ANKS1B: variants seen among roughly 807,000 people sequenced by gnomAD.
ANKS1B encodes the protein ankyrin repeat and sterile alpha motif domain-containing protein 1B.
Under a neutral mutation model 148.3 loss-of-function variants are expected in ANKS1B, and 36 were observed. The ratio of observed to expected loss-of-function variants is 0.24; its 90% confidence interval spans 0.19 to 0.32. The LOEUF is 0.32. Ranked by LOEUF, ANKS1B falls within the 10% of genes least tolerant of loss-of-function variation. The probability of loss-of-function intolerance (pLI) is 1.00; values close to 1 mark genes in which losing one functional copy is unlikely to be tolerated. For missense variants in ANKS1B, 1,157 were observed against 1,542.6 expected (o/e 0.75, Z 4.19); for synonymous variants, 542 against 560.8 (o/e 0.97, Z 0.47).
At chr12:98,968,323 C>T (rs1292187804) in intron 17 of ANKS1B, among the ~76,000 whole-genome samples, 11 of 152,006 alleles carry the variant, frequency 7.2e-5, no homozygotes, top group African/African-American at 2.4e-4. Flanking sequence ...ATTAACAGGA[C>T]CCCCCACCAC....
chr12:99,836,410 CAT>C (rs145615558), intron 1 of ANKS1B, among the ~76,000 whole-genome samples: 97 of 152,146 alleles, frequency 6.4e-4, no homozygotes, highest in African/African-American at 2.3e-3. Context: ...TCAGGAGCAT[CAT>C]AGTCAAAATC....
intron 14 of ANKS1B, among the ~76,000 whole-genome samples, chr12:99,235,807 G>C (rs1446641294): frequency 6.6e-6 from 1 of 152,176 alleles, no homozygotes; most frequent in Non-Finnish European, 1.5e-5. Flanking sequence ...ATGGGGCCCA[G>C]CCGAGTTAGA....
intron 15 of ANKS1B, among the ~76,000 whole-genome samples, chr12:99,122,893 C>T (rs918074763): frequency 4.6e-5 from 7 of 151,442 alleles, no homozygotes; most frequent in Non-Finnish European, 5.9e-5. Context: ...TTTGCCAAGG[C>T]GACTTGTTCA....
At chr12:99,620,250 G>C (rs2098030122) in intron 9 of ANKS1B, among the ~76,000 whole-genome samples, 1 of 152,102 alleles carries the variant, frequency 6.6e-6, no homozygotes, top group African/African-American at 2.4e-5. Context: ...GAAAATCCTA[G>C]ATGCATGAGA....
chr12:99,519,976 G>A (rs1211087625), intron 9 of ANKS1B, among the ~76,000 whole-genome samples: 1 of 152,058 alleles, frequency 6.6e-6, no homozygotes, highest in Non-Finnish European at 1.5e-5. Flanking sequence ...TTGTCTGCCT[G>A]CTTTTTAACT....
chr12:99,259,817 A>C (rs543293909), intron 12 of ANKS1B, among the ~76,000 whole-genome samples: 2 of 152,108 alleles, frequency 1.3e-5, no homozygotes, highest in Non-Finnish European at 2.9e-5. Flanking sequence ...TTTGTTTCCC[A>C]TGTATAAGCC....
intron 17 of ANKS1B, among the ~76,000 whole-genome samples, chr12:99,015,743 G>A (rs149319026): frequency 0.033 from 4,978 of 152,244 alleles, 121 homozygotes; most frequent in Non-Finnish European, 0.049. Context: ...GCAGGCACCT[G>A]TAGTTCCAGC....
At chr12:99,042,304 GTTTC>G (rs900739966) in intron 17 of ANKS1B, among the ~76,000 whole-genome samples, 1 of 152,150 alleles carries the variant, frequency 6.6e-6, no homozygotes, top group Non-Finnish European at 1.5e-5. Flanking sequence ...TTGTTTGTTT[GTTTC>G]TTTCTTTGTT....
rs538472101 is a variant in ANKS1B, at chr12:98,868,198, C to T, written c.2779-36062G>A. Among the ~76,000 whole-genome samples, 7 of 152,274 alleles carry T rather than the reference C, an allele frequency of 4.6e-5. 2 individuals carry two copies. The highest frequency in any genetic ancestry group is 1.7e-4 in the African/African-American group (7 of 41,576). On this transcript the variant is annotated intron_variant, in intron 17 of 26. Coordinates refer to ENST00000683438, the MANE Select transcript of ANKS1B (RefSeq NM_001352186.2). Reference sequence around the variant, plus strand: ...AAGTCTAGACTCAAATAGATAAAAACCCGTAATTCAAGGCAGAACACACCC... The same window carrying T: ...AAGTCTAGACTCAAATAGATAAAAATCCGTAATTCAAGGCAGAACACACCC...
At chr12:99,883,616 C>T (rs752038604) in intron 1 of ANKS1B, among the ~76,000 whole-genome samples, 32 of 87,634 alleles carry the variant, frequency 3.7e-4, no homozygotes, top group African/African-American at 1.0e-3. Context: ...AGACTTGGGG[C>T]AGGGGGGAAT....
chr12:99,918,697 G>C (rs1420160315), intron 1 of ANKS1B, among the ~76,000 whole-genome samples: 1 of 152,048 alleles, frequency 6.6e-6, no homozygotes, highest in Non-Finnish European at 1.5e-5. Flanking sequence ...ATGTTTCTAA[G>C]GCAGGTGTGG....
chr12:99,592,921 GTTGA>G (rs568776950), intron 9 of ANKS1B, among the ~76,000 whole-genome samples: 26 of 152,210 alleles, frequency 1.7e-4, no homozygotes, highest in African/African-American at 2.4e-4. Flanking sequence ...CAAGCTATAG[GTTGA>G]TTAAGAAATT....
chr12:99,242,659 T>A (rs979020847), intron 14 of ANKS1B, among the ~76,000 whole-genome samples: 2 of 152,126 alleles, frequency 1.3e-5, no homozygotes, highest in Non-Finnish European at 2.9e-5. Context: ...AAGGCTACAG[T>A]AAACAAAACA....
rs192425404 is a variant in ANKS1B, at chr12:98,882,699, G to C, written c.2779-50563C>G. Among the ~76,000 whole-genome samples the C allele has an allele frequency of 1.7e-4, 26 of 151,688 alleles. 1 individual carries two copies. The highest frequency in any genetic ancestry group is 1.6e-3 in the Admixed American group (24 of 15,258). ...ATCATCTGCTGCATGTTCAGATAAAGCTGTAGAGATCTCTGCCTTGTTACC... is the reference window on the plus strand; with the variant it reads ...ATCATCTGCTGCATGTTCAGATAAACCTGTAGAGATCTCTGCCTTGTTACC... On this transcript the variant is annotated intron_variant, in intron 17 of 26. Coordinates refer to ENST00000683438, the MANE Select transcript of ANKS1B (RefSeq NM_001352186.2).
intron 17 of ANKS1B, among the ~76,000 whole-genome samples, chr12:98,945,001 G>A (rs1271063963): frequency 6.6e-6 from 1 of 152,106 alleles, no homozygotes; most frequent in Non-Finnish European, 1.5e-5. Context: ...GATTAGACAA[G>A]GCTCTCCTAT....
chr12:99,770,861 T>C (rs1601805886), intron 8 of ANKS1B, among the ~76,000 whole-genome samples: 1 of 152,258 alleles, frequency 6.6e-6, no homozygotes, highest in East Asian at 1.9e-4. Flanking sequence ...TAATATTTTA[T>C]AGGGAAATAT....
chr12:99,669,265 C>A (rs1293487569), intron 8 of ANKS1B, among the ~76,000 whole-genome samples: 2 of 152,062 alleles, frequency 1.3e-5, no homozygotes, highest in Non-Finnish European at 2.9e-5. Flanking sequence ...TGACTTCTTG[C>A]ACTCAAATGA....
At chr12:99,733,889 T>C (rs2059389066) in intron 8 of ANKS1B, among the ~76,000 whole-genome samples, 1 of 152,202 alleles carries the variant, frequency 6.6e-6, no homozygotes, top group African/African-American at 2.4e-5. Flanking sequence ...CCCCAACTAT[T>C]GGGTTGTCAG....
intron 11 of ANKS1B, among the ~76,000 whole-genome samples, chr12:99,436,766 AG>A (rs2095468196): frequency 6.6e-6 from 1 of 152,028 alleles, no homozygotes; most frequent in Admixed American, 6.6e-5. Context: ...CAGGTTGAGT[AG>A]GTACCTGATC....
Sources: allele counts gnomAD v4.1 joint callset (sites outside exome capture counted in the v4.1 genomes callset), GRCh38; gene constraint gnomAD v4.1.1; transcripts MANE v1.5; gene names NCBI Gene and HGNC (gene_info 2026-07-23, HGNC 2026-07-21).